The following ZNF215 variants were observed in gnomAD, a reference collection of about 807,000 sequenced individuals.
ZNF215 encodes BWSCR2-associated zinc finger protein 2.
Under a neutral mutation model 27.2 loss-of-function variants are expected in ZNF215, and 24 were observed. The observed-to-expected ratio is 0.88, with a 90% CI of 0.64 to 1.24. ZNF215 has a LOEUF of 1.24. Ranked by LOEUF, ZNF215 falls within the 50% of genes most tolerant of loss-of-function variation. The probability of loss-of-function intolerance (pLI) is 0.00; values close to 1 mark genes in which losing one functional copy is unlikely to be tolerated. For synonymous variants in ZNF215, 210 were observed against 204.0 expected (o/e 1.03, Z -0.25); for missense variants, 675 against 605.7 (o/e 1.11, Z -1.20).
chr11:6,983,678 A>C (rs1851006346), intron 5 of ZNF215, among the ~76,000 whole-genome samples: 1 of 152,216 alleles, frequency 6.6e-6, no homozygotes, highest in East Asian at 1.9e-4. Context: ...TAGCAAACTC[A>C]GAGACATTGT....
At chr11:6,987,030 C>A (rs1851064601), downstream of ZNF215, among the ~76,000 whole-genome samples, 2 of 152,108 alleles carry the variant, frequency 1.3e-5, no homozygotes. Flanking sequence ...GCAATGACTT[C>A]TGGGTACATA....
At chr11:6,949,769 T>G (rs1008503886) in intron 6 of ZNF215, among the ~76,000 whole-genome samples, 15 of 152,296 alleles carry the variant, frequency 9.8e-5, no homozygotes, top group South Asian at 6.2e-4. Context: ...GGCTTTTGTT[T>G]CCATTGCTTT....
At chr11:6,993,742 A>G (rs919686433), downstream of ZNF215, among the ~76,000 whole-genome samples, 4 of 152,244 alleles carry the variant, frequency 2.6e-5, no homozygotes, top group South Asian at 2.1e-4. Context: ...GTTTAACCTC[A>G]TTACTAATGG....
At chr11:6,951,949 G>A (rs1850088498) in intron 6 of ZNF215, among the ~76,000 whole-genome samples, 1 of 152,078 alleles carries the variant, frequency 6.6e-6, no homozygotes, top group South Asian at 2.1e-4. Flanking sequence ...GTTCTCACTG[G>A]TTTCAAAGAA....
At chr11:6,934,783 G>A (rs936027759) in intron 3 of ZNF215, among the ~76,000 whole-genome samples, 5 of 152,100 alleles carry the variant, frequency 3.3e-5, no homozygotes, top group Non-Finnish European at 5.9e-5. Flanking sequence ...CATCTGCAGA[G>A]TCTCTCTTGC....
intron 5 of ZNF215, among the ~76,000 whole-genome samples, chr11:6,966,473 C>G (rs1301135184): frequency 1.3e-5 from 2 of 150,424 alleles, no homozygotes; most frequent in Non-Finnish European, 3.0e-5. Flanking sequence ...CCCCCCCAAA[C>G]TAAAATAAAA....
At chr11:6,958,820 G>A (rs796297809), downstream of ZNF215, among the ~76,000 whole-genome samples, 6 of 152,284 alleles carry the variant, frequency 3.9e-5, no homozygotes, top group South Asian at 2.1e-4. Flanking sequence ...AGCTGAACTC[G>A]GAGTCTGATG....
At position 6,932,265 on chromosome 11, in the gene ZNF215, T is replaced by G. The variant is rs1187968477; in HGVS notation, c.-8T>G. 6.2e-7 allele frequency: 1 copy of G among 1,611,512 alleles called. No homozygotes were observed. ...ATTTGAACTACTGTGGGAGTTCTAT[T>G]TAGGAAGATGCAGCCTCTGAGCAAG... On this transcript the variant is annotated 5_prime_UTR_variant, in exon 3 of 7. It adds an upstream start codon to the 5' untranslated region. Coordinates refer to ENST00000278319, the MANE Select transcript of ZNF215 (RefSeq NM_013250.4).
intron 5 of ZNF215, among the ~76,000 whole-genome samples, chr11:6,970,296 C>T (rs1850696020): frequency 6.6e-6 from 1 of 152,148 alleles, no homozygotes; most frequent in Non-Finnish European, 1.5e-5. Flanking sequence ...TAACAAAATG[C>T]ATGAGAACAA....
In ZNF215 at chr11:6,993,941, T is replaced by C. The variant is rs557328567; in HGVS notation, c.*192+5621T>C. 3.3e-5 allele frequency among the ~76,000 whole-genome samples: 5 copies of C among 152,304 alleles called. No homozygotes were observed. In the South Asian group the frequency reaches 1.0e-3, roughly 32 times the overall value. ...CCTTCTTGTTTTAGCTCTTCTACCATAAAAAGCATCCTTTCACAATATATT... is the reference window on the plus strand; with the variant it reads ...CCTTCTTGTTTTAGCTCTTCTACCACAAAAAGCATCCTTTCACAATATATT... On this transcript the variant is annotated intron_variant and NMD_transcript_variant, in intron 6 of 6. Transcript: ENST00000636606.
chr11:6,987,724 C>T (rs989266250), downstream of ZNF215, among the ~76,000 whole-genome samples: 9 of 152,236 alleles, frequency 5.9e-5, no homozygotes, highest in South Asian at 1.9e-3. Flanking sequence ...AAGCACTCAC[C>T]AAAGTAATAA....
At chr11:6,934,830 G>A (rs1849379761) in intron 3 of ZNF215, among the ~76,000 whole-genome samples, 1 of 152,030 alleles carries the variant, frequency 6.6e-6, no homozygotes, top group Admixed American at 6.6e-5. Flanking sequence ...TATCTTTGTG[G>A]GCTGATATTC....
At chr11:6,969,797 T>G (rs1411069125) in intron 5 of ZNF215, among the ~76,000 whole-genome samples, 2 of 152,220 alleles carry the variant, frequency 1.3e-5, no homozygotes, top group Non-Finnish European at 2.9e-5. Flanking sequence ...TTTTTATTTT[T>G]TGAGACGGAT....
chr11:6,951,207 G>A (rs947208550), intron 6 of ZNF215, among the ~76,000 whole-genome samples: 30 of 151,988 alleles, frequency 2.0e-4, no homozygotes, highest in Non-Finnish European at 3.8e-4. Context: ...TTTTTGTTGT[G>A]TCTCTGCCAG....
chr11:6,957,081 A>G lies in ZNF215; in HGVS notation c.*550A>G, dbSNP rs1434344656. 1 of 985,672 alleles carries G rather than the reference A, an allele frequency of 1.0e-6. No individual in the cohort carries two copies. The highest frequency in any genetic ancestry group is 1.7e-5 in the African/African-American group (1 of 57,254). The allele number at this position is 985,672 out of a possible 1,614,324, so 61.1% of individuals were successfully genotyped here. A position where few individuals can be genotyped will look rare whatever the true frequency, so the allele number is the denominator to read the frequency against. On this transcript the variant is annotated 3_prime_UTR_variant, in exon 7 of 7. Coordinates refer to ENST00000278319, the MANE Select transcript of ZNF215 (RefSeq NM_013250.4). The stretch of plus-strand genomic sequence containing the variant: ...ATACCCTTTGTTGTCTTGCTGTTGA[A>G]TGGAGACTAGAGTTGGGAAAGGGTT...
chr11:6,931,993 C>A, intron 2 of ZNF215, 101 bp from the exon 3 acceptor site: 1 of 291,734 alleles, frequency 3.4e-6, no homozygotes, highest in Non-Finnish European at 6.3e-6. Context: ...TAGGAGAATC[C>A]ATAATATGCA....
chr11:6,928,045 A>T (rs552914276), intron 2 of ZNF215, among the ~76,000 whole-genome samples: 6 of 151,910 alleles, frequency 3.9e-5, no homozygotes, highest in Admixed American at 1.3e-4. Context: ...CTTTTTTTTT[A>T]GAAGCAAACA....
At chr11:6,988,836 A>G (rs546581188), downstream of ZNF215, 4 of 152,294 alleles carry the variant, frequency 2.6e-5, no homozygotes, top group African/African-American at 9.6e-5. Context: ...GATAATTTTG[A>G]ACTTTACCTG....
chr11:6,980,942 TCA>T (rs1400046429), intron 5 of ZNF215, among the ~76,000 whole-genome samples: 2,680 of 150,322 alleles, frequency 0.018, 83 homozygotes, highest in African/African-American at 0.063. Flanking sequence ...CATGAACTCA[TCA>T]TTTCTTATGG....
Sources: allele counts gnomAD v4.1 joint callset (sites outside exome capture counted in the v4.1 genomes callset), GRCh38; gene constraint gnomAD v4.1.1; transcripts MANE v1.5; gene names NCBI Gene and HGNC (gene_info 2026-07-23, HGNC 2026-07-21).